The following NPAS3 variants were observed in gnomAD, a reference collection of about 807,000 sequenced individuals.
NPAS3 encodes neuronal PAS domain-containing protein 3.
NPAS3 carries 14 observed loss-of-function variants against 73.1 expected under a neutral mutation model. That is an observed-to-expected ratio of 0.19 (90% CI 0.13 to 0.30). NPAS3 has a LOEUF of 0.30. Among genes scored for constraint, NPAS3 ranks in the 10% least tolerant of loss-of-function variants. The pLI, the probability that NPAS3 is intolerant of heterozygous loss-of-function variation, is 1.00. For missense variants in NPAS3, 1,096 were observed against 1,250.0 expected (o/e 0.88, Z 1.86); for synonymous variants, 620 against 541.5 (o/e 1.14, Z -2.01).
intron 3 of NPAS3, among the ~76,000 whole-genome samples, chr14:33,328,464 T>C (rs1488453514): frequency 7.5e-5 from 5 of 66,442 alleles, no homozygotes; most frequent in African/African-American, 2.0e-4. Context: ...TTTTTTTTTT[T>C]TTTTTTTTTT....
intron 5 of NPAS3, among the ~76,000 whole-genome samples, chr14:33,673,172 A>T (rs1442006617): frequency 6.6e-6 from 1 of 152,218 alleles, no homozygotes; most frequent in Non-Finnish European, 1.5e-5. Context: ...TTTCCTGAAT[A>T]AAGCAAGGCT....
chr14:33,073,629 C>T (rs1295494584), intron 2 of NPAS3, among the ~76,000 whole-genome samples: 1 of 152,222 alleles, frequency 6.6e-6, no homozygotes, highest in Non-Finnish European at 1.5e-5. Flanking sequence ...GAACAAGCCA[C>T]GTCTGTACAT....
chr14:33,088,088 C>T (rs968174791), intron 2 of NPAS3, among the ~76,000 whole-genome samples: 1 of 152,164 alleles, frequency 6.6e-6, no homozygotes, highest in African/African-American at 2.4e-5. Flanking sequence ...GGAAGAGCTC[C>T]AGTCTACAGT....
At chr14:33,068,096 C>A (rs1046818012) in intron 2 of NPAS3, among the ~76,000 whole-genome samples, 4 of 152,172 alleles carry the variant, frequency 2.6e-5, no homozygotes, top group Non-Finnish European at 5.9e-5. Context: ...TGCAAAGCAC[C>A]ATGCTAGGGA....
intron 5 of NPAS3, among the ~76,000 whole-genome samples, chr14:33,567,005 C>T (rs896483737): frequency 3.3e-5 from 5 of 152,186 alleles, no homozygotes; most frequent in African/African-American, 1.2e-4. Flanking sequence ...TATTTTTCTT[C>T]CACAGGGTAA....
intron 1 of NPAS3, among the ~76,000 whole-genome samples, chr14:33,009,878 T>C (rs2039130424): frequency 6.6e-6 from 1 of 152,146 alleles, no homozygotes; most frequent in African/African-American, 2.4e-5. Context: ...CATAGTCTAG[T>C]GCTGGTTCTG....
chr14:33,608,342 A>G (rs569281099), intron 5 of NPAS3: 2 of 152,326 alleles, frequency 1.3e-5, no homozygotes, highest in East Asian at 3.9e-4. Flanking sequence ...ATTAGGCAAT[A>G]TCTACTTTTA....
At chr14:33,383,753 C>A (rs2138488785) in intron 4 of NPAS3, among the ~76,000 whole-genome samples, 1 of 152,258 alleles carries the variant, frequency 6.6e-6, no homozygotes, top group African/African-American at 2.4e-5. Flanking sequence ...GATTTTCCAG[C>A]TTCCGGAAGT....
At chr14:33,432,605 T>A (rs1443309655) in intron 4 of NPAS3, among the ~76,000 whole-genome samples, 7 of 152,192 alleles carry the variant, frequency 4.6e-5, no homozygotes, top group Non-Finnish European at 7.3e-5. Flanking sequence ...AGGAGCCCTC[T>A]GCTGGACAGC....
chr14:33,146,334 G>A (rs1439124725), intron 2 of NPAS3, among the ~76,000 whole-genome samples: 1 of 152,116 alleles, frequency 6.6e-6, no homozygotes, highest in African/African-American at 2.4e-5. Flanking sequence ...GTGTAAGCTC[G>A]ACCCCCTTCC....
chr14:33,782,417 C>T (rs1375312740), intron 9 of NPAS3, among the ~76,000 whole-genome samples: 1 of 152,154 alleles, frequency 6.6e-6, no homozygotes, highest in African/African-American at 2.4e-5. Flanking sequence ...GAGTGCTAAA[C>T]CAAACAGAGA....
chr14:33,236,865 C>T (rs1428597654), intron 3 of NPAS3, among the ~76,000 whole-genome samples: 4 of 152,018 alleles, frequency 2.6e-5, no homozygotes, highest in African/African-American at 7.3e-5. Context: ...TTGACCACAG[C>T]GACATTATAC....
intron 4 of NPAS3, among the ~76,000 whole-genome samples, chr14:33,547,022 C>T (rs1025264115): frequency 2.0e-5 from 3 of 152,092 alleles, no homozygotes; most frequent in African/African-American, 7.2e-5. Context: ...AGAGGAGCAG[C>T]AAATGTCTTA....
chr14:33,035,580 T>C (rs1397349025), intron 1 of NPAS3, among the ~76,000 whole-genome samples: 1 of 152,212 alleles, frequency 6.6e-6, no homozygotes, highest in Non-Finnish European at 1.5e-5. Context: ...AATCTTGTTT[T>C]GCAATTCAGG....
chr14:33,711,959 A>G (rs1218625953), intron 6 of NPAS3, among the ~76,000 whole-genome samples: 1 of 152,094 alleles, frequency 6.6e-6, no homozygotes, highest in African/African-American at 2.4e-5. Context: ...AGACTCAGCT[A>G]AAGGAAGTGC....
intron 4 of NPAS3, among the ~76,000 whole-genome samples, chr14:33,454,860 C>T (rs2049957006): frequency 6.6e-6 from 1 of 152,014 alleles, no homozygotes; most frequent in Non-Finnish European, 1.5e-5. Context: ...TTGACTGGAC[C>T]CAGCGTATAG....
chr14:33,525,210 A>G (rs1315735431), intron 4 of NPAS3, among the ~76,000 whole-genome samples: 1 of 152,226 alleles, frequency 6.6e-6, no homozygotes, highest in East Asian at 1.9e-4. Flanking sequence ...CATCTTTTCT[A>G]GAAGATCATG....
chr14:33,755,147 T>C (rs1469706704), intron 7 of NPAS3, among the ~76,000 whole-genome samples: 1 of 152,240 alleles, frequency 6.6e-6, no homozygotes, highest in African/African-American at 2.4e-5. Context: ...GTACCTCTCC[T>C]GAAACATCGT....
chr14:33,528,015 G>A (rs1024891536), intron 4 of NPAS3, among the ~76,000 whole-genome samples: 3 of 152,054 alleles, frequency 2.0e-5, no homozygotes, highest in African/African-American at 7.2e-5. Context: ...CTTTTTATCA[G>A]TAAACCATAT....
Sources: gnomAD v4.1 joint callset for allele counts (sites outside exome capture counted in the v4.1 genomes callset) on GRCh38, gnomAD v4.1.1 for gene constraint, MANE v1.5 for transcripts, NCBI Gene and HGNC (gene_info 2026-07-23, HGNC 2026-07-21) for gene names.